The following FHL5 variants were observed in gnomAD, a reference collection of about 807,000 sequenced individuals.
FHL5 encodes the protein four and a half LIM domains 5.
Under a neutral mutation model 32.0 loss-of-function variants are expected in FHL5, and 33 were observed. The ratio of observed to expected loss-of-function variants is 1.03; its 90% CI spans 0.78 to 1.38. FHL5 has a LOEUF of 1.38. FHL5 is among the 40% of genes most tolerant of loss of function. The probability of loss-of-function intolerance (pLI) is 0.00; values close to 1 mark genes in which losing one functional copy is unlikely to be tolerated. For missense variants in FHL5, 336 were observed against 343.9 expected (o/e 0.98, Z 0.18); for synonymous variants, 114 against 113.6 (o/e 1.00, Z -0.02).
intron 1 of FHL5, among the ~76,000 whole-genome samples, chr6:96,566,280 C>T (rs981512475): frequency 2.6e-5 from 4 of 152,014 alleles, no homozygotes; most frequent in African/African-American, 4.8e-5. Flanking sequence ...GCTTATTTCA[C>T]TTAAAATAAT....
intron 5 of FHL5, among the ~76,000 whole-genome samples, chr6:96,611,509 G>A (rs1771407911): frequency 6.6e-6 from 1 of 152,146 alleles, no homozygotes; most frequent in Admixed American, 6.5e-5. Flanking sequence ...ACTGAAACTA[G>A]CATGACACTT....
intron 1 of FHL5, among the ~76,000 whole-genome samples, chr6:96,565,898 A>C (rs928905197): frequency 1.3e-5 from 2 of 152,076 alleles, no homozygotes; most frequent in African/African-American, 2.4e-5. Flanking sequence ...GTAACTGTAC[A>C]TATCCATCAG....
chr6:96,615,076 T>TAGA (rs892148699), intron 5 of FHL5, among the ~76,000 whole-genome samples: 30 of 152,288 alleles, frequency 2.0e-4, no homozygotes, highest in African/African-American at 7.2e-4. Context: ...CCCCAGGACA[T>TAGA]ATTCTAAGTA....
intron 1 of FHL5, among the ~76,000 whole-genome samples, chr6:96,600,095 A>T (rs1054443255): frequency 3.3e-5 from 5 of 152,168 alleles, no homozygotes; most frequent in African/African-American, 1.2e-4. Context: ...GAGGAGGAAA[A>T]AGTAAAGAAT....
In FHL5 at chr6:96,599,749, G is replaced by A. The variant is rs145756955; in HGVS notation, c.-12-3853G>A. On this transcript the variant is annotated intron_variant, in intron 1 of 5. Transcript: ENST00000450218. The stretch of plus-strand genomic sequence containing the variant: ...AAAGAAGTTTGACAAGAATGTCTAA[G>A]TGATATATTGCAAGTGAATGACTAG... 2.6e-3 allele frequency among the ~76,000 whole-genome samples: 393 copies of A among 152,300 alleles called. 2 individuals carry two copies. Among genetic ancestry groups the A allele is most frequent in the African/African-American group, 8.6e-3 (356 of 41,570 alleles).
At chr6:96,578,563 C>T (rs1770632744) in intron 1 of FHL5, among the ~76,000 whole-genome samples, 2 of 152,106 alleles carry the variant, frequency 1.3e-5, no homozygotes, top group South Asian at 4.1e-4. Context: ...GATTTGGCAC[C>T]ACGCACAGTG....
intron 1 of FHL5, among the ~76,000 whole-genome samples, chr6:96,599,123 C>T (rs949842546): frequency 6.6e-5 from 10 of 151,562 alleles, no homozygotes; most frequent in African/African-American, 2.4e-4. Flanking sequence ...ACAAAAATAG[C>T]TATTTAAAAA....
intron 1 of FHL5, among the ~76,000 whole-genome samples, chr6:96,596,780 C>T (rs1446582291): frequency 1.3e-5 from 2 of 152,032 alleles, no homozygotes; most frequent in Admixed American, 6.6e-5. Context: ...GAACATACAG[C>T]TTGATGGCTA....
chr6:96,585,565 A>T (rs1022678547), intron 1 of FHL5, among the ~76,000 whole-genome samples: 4 of 151,216 alleles, frequency 2.6e-5, no homozygotes, highest in African/African-American at 9.7e-5. Flanking sequence ...AAGTAATCTT[A>T]AAAAAAAACC....
At position 96,610,584 on chromosome 6, in the gene FHL5, G is replaced by A. The variant is rs143871011; in HGVS notation, c.517G>A (p.Gly173Ser). The A allele has an allele frequency of 2.6e-5, 42 of 1,613,608 alleles. No homozygotes were observed. Among genetic ancestry groups the A allele is most frequent in the Non-Finnish European group, 3.5e-5 (41 of 1,179,652 alleles). ...CNFCKKVITS[G>S]GITFCDQLWH... ...TGGTCTTTGGCAGGTGATAACTTCA[G>A]GTGGGATAACATTTTGTGACCAGCT... The change falls in exon 5 of 6, where the codon GGT becomes AGT. Residue 173 changes from glycine to serine, a missense_variant. By Grantham distance (56) the Gly-to-Ser change is moderately conservative. Coordinates refer to ENST00000450218, the MANE Select transcript of FHL5 (RefSeq NM_001322466.2).
Position 96,616,409 on chromosome 6 carries a change from A to T in FHL5, c.*637A>T, listed in dbSNP as rs1771522265. On this transcript the variant is annotated 3_prime_UTR_variant, in exon 6 of 6. Transcript: ENST00000450218. ...ATGGAATATGAGAACTGAGGACATT[A>T]TGGCTCTCATAATCTGCATAGGTAT... 1 of 152,222 alleles carries T rather than the reference A, an allele frequency of 6.6e-6. No individual in the cohort carries two copies. Among genetic ancestry groups the T allele is most frequent in the Non-Finnish European group, 1.5e-5 (1 of 68,044 alleles). 9.4% of individuals were successfully genotyped at this position (152,222 alleles called of 1,614,324 possible).
At chr6:96,599,535 C>G (rs1362421821) in intron 1 of FHL5, among the ~76,000 whole-genome samples, 2 of 152,010 alleles carry the variant, frequency 1.3e-5, no homozygotes, top group Admixed American at 6.6e-5. Flanking sequence ...TTTAAAGGAG[C>G]AAACTAGAAA....
intron 1 of FHL5, among the ~76,000 whole-genome samples, chr6:96,567,426 C>A (rs1247132003): frequency 6.6e-6 from 1 of 151,860 alleles, no homozygotes; most frequent in African/African-American, 2.4e-5. Context: ...AATGTGATTT[C>A]TCCGGCTTTG....
chr6:96,576,343 C>T (rs763843149), intron 1 of FHL5, among the ~76,000 whole-genome samples: 5 of 152,296 alleles, frequency 3.3e-5, no homozygotes, highest in Non-Finnish European at 5.9e-5. Context: ...TAGTATCTTC[C>T]CTGTCTTTTC....
intron 1 of FHL5, among the ~76,000 whole-genome samples, chr6:96,588,075 C>A (rs974051702): frequency 6.6e-6 from 1 of 152,208 alleles, no homozygotes; most frequent in African/African-American, 2.4e-5. Flanking sequence ...AATTTACACA[C>A]TTAGGGGTGA....
At chr6:96,567,328 T>C (rs1317164138) in intron 1 of FHL5, among the ~76,000 whole-genome samples, 1 of 151,998 alleles carries the variant, frequency 6.6e-6, no homozygotes, top group Non-Finnish European at 1.5e-5. Flanking sequence ...GGGTTCTCTA[T>C]TATGCTCCAT....
In FHL5 at chr6:96,566,315, C is replaced by T. The variant is rs79841064; in HGVS notation, c.-13+2960C>T. Among the ~76,000 whole-genome samples, 1,315 of 151,956 alleles carry T rather than the reference C, an allele frequency of 8.7e-3. 21 individuals carry two copies. The highest frequency in any genetic ancestry group is 0.03 in the African/African-American group (1,227 of 41,484). The stretch of plus-strand genomic sequence containing the variant: ...TGTCCTCCAAGCTCATTCATGTTGC[C>T]GTGAATGACAGAAATTTGTTCTTTT... On this transcript the variant is annotated intron_variant, in intron 1 of 5. Coordinates refer to ENST00000450218, the MANE Select transcript of FHL5 (RefSeq NM_001322466.2).
chr6:96,579,697 T>C (rs1428729608), intron 1 of FHL5, among the ~76,000 whole-genome samples: 1 of 152,206 alleles, frequency 6.6e-6, no homozygotes, highest in Non-Finnish European at 1.5e-5. Context: ...CAAAAAGTCA[T>C]GAAAATTGTC....
At chr6:96,591,574 G>T (rs1770918213) in intron 1 of FHL5, among the ~76,000 whole-genome samples, 1 of 152,140 alleles carries the variant, frequency 6.6e-6, no homozygotes, top group East Asian at 1.9e-4. Flanking sequence ...CCTGGGCATA[G>T]ACTTCTAGGT....
Sources: gnomAD v4.1 joint callset for allele counts (sites outside exome capture counted in the v4.1 genomes callset) on GRCh38, gnomAD v4.1.1 for gene constraint, MANE v1.5 for transcripts, NCBI Gene and HGNC (gene_info 2026-07-23, HGNC 2026-07-21) for gene names.